The following WWOX variants were observed in gnomAD, a reference collection of about 807,000 sequenced individuals.
WWOX encodes the protein WW domain-containing oxidoreductase.
A neutral mutation model predicts 46.2 loss-of-function variants in WWOX; 69 were observed. The observed-to-expected ratio is 1.49, with a 90% CI of 1.23 to 1.82. The LOEUF (loss-of-function observed/expected upper bound fraction) is 1.82, where lower values mean the gene tolerates loss of function less well. Ranked by LOEUF, WWOX falls within the 40% of genes most tolerant of loss-of-function variation. The pLI, the probability that WWOX is intolerant of heterozygous loss-of-function variation, is 0.00. For synonymous variants in WWOX, 359 were observed against 202.6 expected (o/e 1.77, Z -6.56); for missense variants, 919 against 542.6 (o/e 1.69, Z -6.89).
intron 8 of WWOX, among the ~76,000 whole-genome samples, chr16:78,771,784 TAAATAA>T (rs2050070931): frequency 6.7e-6 from 1 of 148,458 alleles, no homozygotes; most frequent in Non-Finnish European, 1.5e-5. Context: ...AATAAATAAA[TAAATAA>T]ATAAATAAAT....
Position 78,348,562 on chromosome 16 carries a change from A to G in WWOX, c.517-38298A>G, listed in dbSNP as rs1472606030. Among the ~76,000 whole-genome samples, 2 of 120,352 alleles carry G rather than the reference A, an allele frequency of 1.7e-5. 1 individual carries two copies. Among genetic ancestry groups the G allele is most frequent in the Non-Finnish European group, 4.0e-5 (2 of 50,520 alleles). The allele number at this position is 120,352 out of a possible 152,430, so 79.0% of individuals were successfully genotyped here. ...AGCTTTTGCCTCTTGAGCTCAGGCA[A>G]TCCTCCTGCCTCAGCCCCACCAGTA... On this transcript the variant is annotated intron_variant, in intron 5 of 8. Transcript: ENST00000566780.
At chr16:78,424,621 C>T (rs537736718) in intron 6 of WWOX, among the ~76,000 whole-genome samples, 5 of 152,308 alleles carry the variant, frequency 3.3e-5, no homozygotes, top group Middle Eastern at 3.4e-3. Context: ...AGTTCCGTAT[C>T]CTAATAAGCC....
chr16:79,136,972 A>C (rs1361046206), intron 8 of WWOX, among the ~76,000 whole-genome samples: 1 of 152,226 alleles, frequency 6.6e-6, no homozygotes. Flanking sequence ...ATAGGAGAGA[A>C]AATAGAGCTC....
At chr16:79,028,948 A>C (rs1314137965) in intron 8 of WWOX, among the ~76,000 whole-genome samples, 1 of 151,850 alleles carries the variant, frequency 6.6e-6, no homozygotes, top group African/African-American at 2.4e-5. Context: ...AGTTGGAGAA[A>C]AGAGCATATC....
chr16:78,668,599 AGTT>A (rs1393830417), intron 8 of WWOX, among the ~76,000 whole-genome samples: 2 of 152,268 alleles, frequency 1.3e-5, no homozygotes, highest in South Asian at 2.1e-4. Context: ...GAGAGACAGG[AGTT>A]GTTATCTGCG....
rs1034220008 is a variant in WWOX at position 78,691,188 on chromosome 16, A to G, written c.1056+258436A>G. 4.3e-6 allele frequency: 3 copies of G among 701,254 alleles called. No homozygotes were observed. In the South Asian group the frequency reaches 4.5e-5, roughly 10 times the overall value. The allele number at this position is 701,254 out of a possible 1,614,324, so 43.4% of individuals were successfully genotyped here. ...CAGTGTTTGTGCGATAAGAGAATAG[A>G]TGTAGGTCCAGCGCCTAGAATTTTA... On this transcript the variant is annotated intron_variant, in intron 8 of 8. Transcript: ENST00000566780.
chr16:78,399,597 A>G (rs1413929343), intron 6 of WWOX, among the ~76,000 whole-genome samples: 1 of 152,180 alleles, frequency 6.6e-6, no homozygotes, highest in African/African-American at 2.4e-5. Flanking sequence ...GCAGACATCA[A>G]TGCAGCAAAT....
At chr16:78,777,839 G>A (rs1270967366) in intron 8 of WWOX, among the ~76,000 whole-genome samples, 1 of 152,040 alleles carries the variant, frequency 6.6e-6, no homozygotes, top group African/African-American at 2.4e-5. Context: ...GAGGTCAAGA[G>A]ATCAAGAGCA....
In WWOX at chr16:78,481,764, T is replaced by TGC. The variant is rs1555547243; in HGVS notation, c.1056+49019_1056+49020dup. Among the ~76,000 whole-genome samples, 1,114 of 147,984 alleles carry TGC rather than the reference T, an allele frequency of 7.5e-3. 5 individuals carry two copies. The highest frequency in any genetic ancestry group is 0.015 in the South Asian group (67 of 4,460). On this transcript the variant is annotated intron_variant, in intron 8 of 8. Coordinates refer to ENST00000566780, the MANE Select transcript of WWOX (RefSeq NM_016373.4). ...GTGTGTGTGTGTGTGTGTGTGTGTG[T>TGC]GCGCGCGCCTGCATGTGTACTGTGG...
chr16:79,105,800 C>G (rs748576621), intron 8 of WWOX, among the ~76,000 whole-genome samples: 6 of 152,026 alleles, frequency 3.9e-5, no homozygotes, highest in Non-Finnish European at 8.8e-5. Flanking sequence ...ATACCTGAGA[C>G]TACAGGCAGT....
chr16:79,035,468 T>C (rs2047847451), intron 8 of WWOX, among the ~76,000 whole-genome samples: 1 of 152,070 alleles, frequency 6.6e-6, no homozygotes, highest in Non-Finnish European at 1.5e-5. Context: ...GAAGGTGTAC[T>C]CCGGCTGCTC....
intron 8 of WWOX, among the ~76,000 whole-genome samples, chr16:78,472,525 T>C (rs180717175): frequency 2.0e-5 from 3 of 152,178 alleles, no homozygotes; most frequent in Admixed American, 1.3e-4. Flanking sequence ...AAAAAAATGA[T>C]GAGCCGGGCA....
intron 8 of WWOX, among the ~76,000 whole-genome samples, chr16:78,644,728 G>A (rs2046799953): frequency 6.6e-6 from 1 of 152,170 alleles, no homozygotes; most frequent in South Asian, 2.1e-4. Flanking sequence ...CTCCCAAAGT[G>A]CTGGGATTAC....
intron 8 of WWOX, among the ~76,000 whole-genome samples, chr16:78,739,106 C>G (rs553870611): frequency 1.1e-4 from 17 of 152,146 alleles, no homozygotes; most frequent in African/African-American, 3.6e-4. Context: ...TGCAAAGTCA[C>G]AGGAAGCTTG....
At position 78,121,322 on chromosome 16, in the gene WWOX, T is replaced by G. The variant is rs188829948; in HGVS notation, c.409+6168T>G. 4.3e-4 allele frequency among the ~76,000 whole-genome samples: 66 copies of G among 152,348 alleles called. 1 individual carries two copies. Among genetic ancestry groups the G allele is most frequent in the Non-Finnish European group, 2.9e-5 (2 of 68,030 alleles). Reference sequence around the variant, plus strand: ...CCCAGGTATTGTAAGTAAAATTATTTTGAAGTTACTTTGTTCTAAGAAACT... The same window carrying G: ...CCCAGGTATTGTAAGTAAAATTATTGTGAAGTTACTTTGTTCTAAGAAACT... On this transcript the variant is annotated intron_variant, in intron 4 of 8. Coordinates refer to ENST00000566780, the MANE Select transcript of WWOX (RefSeq NM_016373.4).
In WWOX at chr16:79,209,418, G is replaced by T. The variant is rs73569312; in HGVS notation, c.1057-2190G>T. On this transcript the variant is annotated intron_variant, in intron 8 of 8. Transcript: ENST00000566780. ...AATTCTGCTTTTTGCTTTCCCAAAC[G>T]GACTGCTTTGGTCTTTCCTCACGCT... 2.7e-3 allele frequency among the ~76,000 whole-genome samples: 404 copies of T among 152,266 alleles called. 3 individuals are homozygous for T. Among genetic ancestry groups the T allele is most frequent in the African/African-American group, 9.1e-3 (380 of 41,552 alleles).
intron 8 of WWOX, among the ~76,000 whole-genome samples, chr16:78,503,485 G>C (rs193288215): frequency 3.3e-5 from 5 of 151,648 alleles, no homozygotes; most frequent in Admixed American, 3.3e-4. Flanking sequence ...AGGTGATTTT[G>C]ATAAACTAAA....
intron 8 of WWOX, among the ~76,000 whole-genome samples, chr16:78,458,166 A>G (rs2083868426): frequency 6.6e-6 from 1 of 151,802 alleles, no homozygotes; most frequent in Admixed American, 6.6e-5. Flanking sequence ...GGTGTGTTCC[A>G]TGATTTTGTC....
At chr16:79,013,653 C>A (rs142770923) in intron 8 of WWOX, among the ~76,000 whole-genome samples, 1 of 152,104 alleles carries the variant, frequency 6.6e-6, no homozygotes, top group African/African-American at 2.4e-5. Flanking sequence ...CCTCGGAGGT[C>A]GGTTTGCATC....
Sources: allele counts gnomAD v4.1 joint callset (sites outside exome capture counted in the v4.1 genomes callset), GRCh38; gene constraint gnomAD v4.1.1; transcripts MANE v1.5; gene names NCBI Gene and HGNC (gene_info 2026-07-23, HGNC 2026-07-21).